BCAR3: variants seen among roughly 807,000 people sequenced by gnomAD.
BCAR3 encodes BCAR3 adaptor protein, NSP family member.
A neutral mutation model predicts 80.1 loss-of-function variants in BCAR3; 37 were observed. That is an observed-to-expected ratio of 0.46 (90% CI 0.36 to 0.61). The LOEUF is 0.61. Among genes scored for constraint, BCAR3 ranks in the 20% least tolerant of loss-of-function variants. The pLI is 0.00. For synonymous variants in BCAR3, 389 were observed against 418.9 expected (o/e 0.93, Z 0.87); for missense variants, 978 against 1,068.2 (o/e 0.92, Z 1.18).
intron 3 of BCAR3, among the ~76,000 whole-genome samples, chr1:93,641,152 A>G (rs887619901): frequency 3.3e-5 from 5 of 152,224 alleles, no homozygotes; most frequent in Non-Finnish European, 5.9e-5. Flanking sequence ...TCATTCAGGT[A>G]TAAGAGATGG....
intron 3 of BCAR3, among the ~76,000 whole-genome samples, chr1:93,688,582 T>G (rs531581384): frequency 4.0e-5 from 6 of 151,356 alleles, no homozygotes; most frequent in East Asian, 1.9e-4. Context: ...TATATGTATG[T>G]TTTTTTTTAC....
intron 2 of BCAR3, among the ~76,000 whole-genome samples, chr1:93,672,621 A>G (rs1187149634): frequency 2.0e-5 from 3 of 152,126 alleles, no homozygotes; most frequent in Non-Finnish European, 4.4e-5. Flanking sequence ...TGCGATGTTA[A>G]CAATCCTGTG....
chr1:93,841,386 G>A (rs1654954962), intron 2 of BCAR3, among the ~76,000 whole-genome samples: 1 of 152,202 alleles, frequency 6.6e-6, no homozygotes, highest in South Asian at 2.1e-4. Context: ...AATGAATGTG[G>A]TCTTTTGTTT....
At chr1:93,647,802 T>C (rs1208746152) in intron 2 of BCAR3, among the ~76,000 whole-genome samples, 4 of 152,036 alleles carry the variant, frequency 2.6e-5, no homozygotes, top group Non-Finnish European at 4.4e-5. Flanking sequence ...TTTCGAGTCT[T>C]GCTCTTGTCG....
At chr1:93,602,921 A>G (rs1674668503) in intron 3 of BCAR3, among the ~76,000 whole-genome samples, 1 of 152,238 alleles carries the variant, frequency 6.6e-6, no homozygotes, top group African/African-American at 2.4e-5. Context: ...AAAGCCTTGC[A>G]ATGAAATAAT....
At chr1:93,724,255 G>A (rs1571075504) in intron 2 of BCAR3, among the ~76,000 whole-genome samples, 1 of 152,294 alleles carries the variant, frequency 6.6e-6, no homozygotes, top group African/African-American at 2.4e-5. Context: ...CAGCCTCTCA[G>A]GTGGGGACAT....
At chr1:93,703,572 G>GAA (rs5776186) in intron 3 of BCAR3, among the ~76,000 whole-genome samples, 10 of 140,616 alleles carry the variant, frequency 7.1e-5, no homozygotes, top group Non-Finnish European at 1.4e-4. Flanking sequence ...CTCTTAAAAA[G>GAA]AAAAAAAAAA....
chr1:93,806,992 C>A (rs567145801), intron 2 of BCAR3, among the ~76,000 whole-genome samples: 4 of 152,190 alleles, frequency 2.6e-5, no homozygotes, highest in Middle Eastern at 3.4e-3. Context: ...GTCGTCCCAG[C>A]TACTTGAGGG....
intron 3 of BCAR3, among the ~76,000 whole-genome samples, chr1:93,702,343 T>G (rs1571059354): frequency 6.6e-6 from 1 of 152,232 alleles, no homozygotes. Flanking sequence ...TCCAAGCACA[T>G]GGGCCACAGA....
chr1:93,694,483 C>T (rs560515757), intron 3 of BCAR3, among the ~76,000 whole-genome samples: 3 of 152,348 alleles, frequency 2.0e-5, no homozygotes, highest in Non-Finnish European at 4.4e-5. Context: ...CTCCACTCCA[C>T]TCTCCATGGC....
chr1:93,779,104 G>A (rs1244163560), intron 2 of BCAR3, among the ~76,000 whole-genome samples: 2 of 152,314 alleles, frequency 1.3e-5, no homozygotes, highest in South Asian at 2.1e-4. Flanking sequence ...AACAGTCAGA[G>A]TTTATTGTCT....
chr1:93,847,357 C>G (rs1655252494), upstream of BCAR3: 1 of 155,110 alleles, frequency 6.4e-6, no homozygotes, highest in South Asian at 1.9e-4. Context: ...GACCGTCGGA[C>G]TGCGGCCGCC....
chr1:93,762,628 G>A (rs1651990107), intron 2 of BCAR3, among the ~76,000 whole-genome samples: 1 of 152,042 alleles, frequency 6.6e-6, no homozygotes, highest in Non-Finnish European at 1.5e-5. Context: ...CCTTCACCCC[G>A]AACCCAATCA....
At chr1:93,802,187 G>A (rs777363152) in intron 2 of BCAR3, among the ~76,000 whole-genome samples, 13 of 151,824 alleles carry the variant, frequency 8.6e-5, no homozygotes, top group Non-Finnish European at 1.8e-4. Context: ...ATGTGTGCCT[G>A]TAGTCCCAGG....
intron 3 of BCAR3, among the ~76,000 whole-genome samples, chr1:93,638,769 A>T (rs373346170): frequency 2.0e-5 from 3 of 152,210 alleles, no homozygotes; most frequent in Non-Finnish European, 1.5e-5. Context: ...AACAGAATCA[A>T]TTACGTTTGA....
intron 7 of BCAR3, among the ~76,000 whole-genome samples, chr1:93,577,860 G>A (rs972880621): frequency 6.7e-6 from 1 of 149,234 alleles, no homozygotes; most frequent in Admixed American, 6.6e-5. Context: ...GGCGGCCCCT[G>A]CTCTCCAGTC....
intron 2 of BCAR3, among the ~76,000 whole-genome samples, chr1:93,779,736 C>T (rs1028201890): frequency 2.0e-5 from 3 of 152,176 alleles, no homozygotes; most frequent in Non-Finnish European, 4.4e-5. Flanking sequence ...AATGCACGTA[C>T]TCCTGGATAG....
At chr1:93,619,305 G>A (rs2101888295) in intron 3 of BCAR3, among the ~76,000 whole-genome samples, 1 of 152,002 alleles carries the variant, frequency 6.6e-6, no homozygotes, top group Non-Finnish European at 1.5e-5. Context: ...ATGAGGAAGG[G>A]GCTTTACTGG....
In BCAR3 at chr1:93,754,552, T is replaced by C. The variant is rs1274606683; in HGVS notation, c.-62-48410A>G. On this transcript the variant is annotated intron_variant, in intron 2 of 13. Coordinates refer to the BCAR3 transcript ENST00000370244. ...TTGTGCAGATGAAGAATCAGAAATA[T>C]ATACAGTCAATGATGACTCACATAT... Among the ~76,000 whole-genome samples the C allele has an allele frequency of 1.3e-5, 2 of 152,184 alleles. 1 individual carries two copies. Among genetic ancestry groups the C allele is most frequent in the Non-Finnish European group, 2.9e-5 (2 of 68,044 alleles).
Sources: allele counts gnomAD v4.1 joint callset (sites outside exome capture counted in the v4.1 genomes callset), GRCh38; gene constraint gnomAD v4.1.1; transcripts MANE v1.5; gene names NCBI Gene and HGNC (gene_info 2026-07-23, HGNC 2026-07-21).